CCSER1: variants seen among roughly 807,000 people sequenced by gnomAD.
CCSER1 encodes the protein coiled-coil serine rich protein 1.
A neutral mutation model predicts 82.0 loss-of-function variants in CCSER1; 41 were observed. The ratio of observed to expected loss-of-function variants is 0.50; its 90% confidence interval spans 0.39 to 0.65. The LOEUF (loss-of-function observed/expected upper bound fraction) is 0.65. Ranked by LOEUF, CCSER1 falls within the 30% of genes least tolerant of loss-of-function variation. The probability of loss-of-function intolerance (pLI) is 0.00; values close to 1 mark genes in which losing one functional copy is unlikely to be tolerated. For missense variants in CCSER1, 1,119 were observed against 1,064.2 expected (o/e 1.05, Z -0.72); for synonymous variants, 414 against 383.9 (o/e 1.08, Z -0.92).
intron 6 of CCSER1, among the ~76,000 whole-genome samples, chr4:90,720,074 G>A (rs142607750): frequency 6.6e-6 from 1 of 151,922 alleles, no homozygotes; most frequent in African/African-American, 2.4e-5. Context: ...GTTGTTGTTC[G>A]AATTGTTCCA....
intron 4 of CCSER1, among the ~76,000 whole-genome samples, chr4:90,405,224 G>A (rs1245236107): frequency 2.0e-5 from 3 of 151,978 alleles, no homozygotes; most frequent in African/African-American, 7.2e-5. Context: ...GCCCTGGAAA[G>A]CTTCAGCAAT....
intron 5 of CCSER1, among the ~76,000 whole-genome samples, chr4:90,584,242 T>C (rs1781741451): frequency 6.6e-6 from 1 of 152,202 alleles, no homozygotes; most frequent in South Asian, 2.1e-4. Flanking sequence ...TAAAAGCCTG[T>C]AAGTCTGGGC....
intron 8 of CCSER1, among the ~76,000 whole-genome samples, chr4:90,864,779 T>C (rs1322584864): frequency 6.6e-6 from 1 of 152,074 alleles, no homozygotes; most frequent in Non-Finnish European, 1.5e-5. Flanking sequence ...GCACAATCTC[T>C]GGTCCAATAA....
At chr4:91,142,006 C>T (rs1282660804) in intron 10 of CCSER1, among the ~76,000 whole-genome samples, 2 of 152,050 alleles carry the variant, frequency 1.3e-5, no homozygotes, top group Non-Finnish European at 2.9e-5. Context: ...GGATATTAGA[C>T]CTTTGTCAGA....
intron 9 of CCSER1, among the ~76,000 whole-genome samples, chr4:90,969,178 AACAGTAT>A (rs1734847604): frequency 6.6e-6 from 1 of 151,888 alleles, no homozygotes; most frequent in African/African-American, 2.4e-5. Flanking sequence ...AATTAAATGA[AACAGTAT>A]ACACATTATG....
intron 9 of CCSER1, among the ~76,000 whole-genome samples, chr4:91,030,833 T>C (rs992979616): frequency 6.6e-6 from 1 of 152,088 alleles, no homozygotes; most frequent in African/African-American, 2.4e-5. Context: ...AAATTAAATT[T>C]AAATTAATAT....
intron 1 of CCSER1, among the ~76,000 whole-genome samples, chr4:90,234,187 C>T (rs898853764): frequency 2.6e-5 from 4 of 151,160 alleles, no homozygotes; most frequent in African/African-American, 4.9e-5. Flanking sequence ...TCTGGGTGGG[C>T]CTCTGCGTAC....
chr4:90,880,646 A>T (rs1036424070), intron 8 of CCSER1, among the ~76,000 whole-genome samples: 2 of 152,172 alleles, frequency 1.3e-5, no homozygotes, highest in African/African-American at 4.8e-5. Flanking sequence ...CTCTGGCAAG[A>T]GGTGGCTGGA....
intron 10 of CCSER1, among the ~76,000 whole-genome samples, chr4:91,547,446 G>T (rs1761947773): frequency 6.6e-6 from 1 of 152,114 alleles, no homozygotes; most frequent in African/African-American, 2.4e-5. Context: ...TTATCTTTAT[G>T]TAGTGCTCCT....
chr4:90,847,198 A>T (rs1763326414), intron 8 of CCSER1, among the ~76,000 whole-genome samples: 1 of 152,178 alleles, frequency 6.6e-6, no homozygotes, highest in Admixed American at 6.5e-5. Context: ...TCAAAGGAGG[A>T]TTCTTACTTA....
intron 10 of CCSER1, among the ~76,000 whole-genome samples, chr4:91,216,582 A>C (rs1737261560): frequency 6.6e-6 from 1 of 152,120 alleles, no homozygotes; most frequent in African/African-American, 2.4e-5. Context: ...GGCCTCCCAA[A>C]GTGCTGGGAT....
At chr4:90,958,566 G>A (rs1733751322) in intron 9 of CCSER1, among the ~76,000 whole-genome samples, 1 of 152,074 alleles carries the variant, frequency 6.6e-6, no homozygotes, top group Admixed American at 6.6e-5. Flanking sequence ...ATGCAGTCCA[G>A]TGTGATGGCT....
At chr4:90,764,418 A>G (rs1750891938) in intron 7 of CCSER1, among the ~76,000 whole-genome samples, 1 of 152,294 alleles carries the variant, frequency 6.6e-6, no homozygotes. Flanking sequence ...ATCGTCTTCA[A>G]TAATAAGACT....
intron 6 of CCSER1, among the ~76,000 whole-genome samples, chr4:90,657,372 C>A (rs1351251869): frequency 6.6e-6 from 1 of 152,012 alleles, no homozygotes; most frequent in Non-Finnish European, 1.5e-5. Flanking sequence ...TTTGAGCTAC[C>A]TTTACATAGA....
chr4:91,200,474 TG>T (rs552589530), intron 10 of CCSER1, among the ~76,000 whole-genome samples: 456 of 152,142 alleles, frequency 3.0e-3, no homozygotes, highest in South Asian at 9.9e-3. Flanking sequence ...TGACTTGTAG[TG>T]GGGGGCCACA....
chr4:91,079,920 G>A (rs1324416235), intron 9 of CCSER1, among the ~76,000 whole-genome samples: 1 of 152,134 alleles, frequency 6.6e-6, no homozygotes, highest in African/African-American at 2.4e-5. Context: ...CATGAAGCAA[G>A]CCTTGAGAGA....
intron 7 of CCSER1, among the ~76,000 whole-genome samples, chr4:90,743,643 C>G (rs1023021188): frequency 1.3e-5 from 2 of 152,126 alleles, no homozygotes. Context: ...ACTTCGGCAG[C>G]CACCTTTAAG....
intron 9 of CCSER1, among the ~76,000 whole-genome samples, chr4:91,071,095 A>G (rs1055405289): frequency 6.6e-6 from 1 of 152,242 alleles, no homozygotes; most frequent in Non-Finnish European, 1.5e-5. Flanking sequence ...ATTTAGATAC[A>G]TGGATGCTTA....
intron 9 of CCSER1, among the ~76,000 whole-genome samples, chr4:91,079,530 A>G (rs950986526): frequency 1.3e-5 from 2 of 152,212 alleles, no homozygotes; most frequent in Non-Finnish European, 2.9e-5. Flanking sequence ...CAAAATAACC[A>G]GCTAACATCA....
Sources: allele counts gnomAD v4.1 joint callset (sites outside exome capture counted in the v4.1 genomes callset), GRCh38; gene constraint gnomAD v4.1.1; transcripts MANE v1.5; gene names NCBI Gene and HGNC (gene_info 2026-07-23, HGNC 2026-07-21).